PARD3B: variants seen among roughly 807,000 people sequenced by gnomAD.
PARD3B encodes the protein partitioning defective 3 homolog B.
In PARD3B, 103 loss-of-function variants were observed where a neutral mutation model predicts 130.2. That is an observed-to-expected ratio of 0.79 (90% confidence interval 0.67 to 0.93). The LOEUF (loss-of-function observed/expected upper bound fraction) is 0.93. PARD3B is among the 40% of genes least tolerant of loss of function. The probability of loss-of-function intolerance (pLI) is 0.00; values close to 1 mark genes in which losing one functional copy is unlikely to be tolerated. For missense variants in PARD3B, 1,609 were observed against 1,499.2 expected, an observed-to-expected ratio of 1.07 and a Z score of -1.21; for synonymous variants, 583 against 553.2, an observed-to-expected ratio of 1.05 and a Z score of -0.76.
In PARD3B at chr2:204,838,180, GTTA is replaced by G. The variant is rs200982356; in HGVS notation, c.223-126957_223-126955del. On this transcript the variant is annotated intron_variant, in intron 2 of 22. Coordinates refer to ENST00000406610, the MANE Select transcript of PARD3B (RefSeq NM_001302769.2). ...CAAGGTTGAATCAGGTTTTGTTTTC[GTTA>G]TTATTATTATTATTTTTGAGAAGGA... Among the ~76,000 whole-genome samples, 522 of 138,806 alleles carry G rather than the reference GTTA, an allele frequency of 3.8e-3. 4 individuals are homozygous for G. In the Middle Eastern group the frequency reaches 0.041, roughly 11 times the overall value. The allele number at this position is 138,806 out of a possible 152,430, so 91.1% of individuals were successfully genotyped here. A position where few individuals can be genotyped will look rare whatever the true frequency, so the allele number is the denominator to read the frequency against.
intron 1 of PARD3B, among the ~76,000 whole-genome samples, chr2:204,581,044 C>T (rs1363669006): frequency 1.3e-5 from 2 of 152,040 alleles, no homozygotes; most frequent in African/African-American, 4.8e-5. Context: ...GTTATGAATC[C>T]CTAATTCTAA....
At position 205,021,594 on chromosome 2, in the gene PARD3B, TTCTCTCTCTC is replaced by T. The variant is rs372636581; in HGVS notation, c.395-25970_395-25961del. Among the ~76,000 whole-genome samples the T allele has an allele frequency of 6.2e-5, 9 of 144,790 alleles. No homozygotes were observed. The highest frequency in any genetic ancestry group is 2.0e-4 in the African/African-American group (8 of 39,074). The allele number at this position is 144,790 out of a possible 152,430, so 95.0% of individuals were successfully genotyped here. A position where few individuals can be genotyped will look rare whatever the true frequency, so the allele number is the denominator to read the frequency against. ...TATGCTCTCTTCTCTCTCTCTTCTC[TTCTCTCTCTC>T]TCTCTCTCTCTCTCTCCCTCTCTCT... On this transcript the variant is annotated intron_variant, in intron 3 of 22. Coordinates refer to ENST00000406610, the MANE Select transcript of PARD3B (RefSeq NM_001302769.2). The surrounding 1 kb of genome is among the most constrained non-coding windows in gnomAD (Gnocchi z 4.5).
At chr2:204,645,125 T>A (rs772893932) in intron 1 of PARD3B, among the ~76,000 whole-genome samples, 3 of 152,170 alleles carry the variant, frequency 2.0e-5, no homozygotes, top group Non-Finnish European at 2.9e-5. Flanking sequence ...TCATTCTGTG[T>A]GTATTTGACA....
chr2:204,927,860 G>GTAGGTAGA (rs1404009860), intron 2 of PARD3B, among the ~76,000 whole-genome samples: 12 of 151,998 alleles, frequency 7.9e-5, no homozygotes, highest in African/African-American at 2.9e-4. Context: ...AGGTAGGTAG[G>GTAGGTAGA]TAGATAGATA....
intron 1 of PARD3B, among the ~76,000 whole-genome samples, chr2:204,650,887 TGAGAGAGA>T (rs36111258): frequency 1.4e-5 from 2 of 148,002 alleles, no homozygotes; most frequent in Non-Finnish European, 3.0e-5. Flanking sequence ...CATGGGGGAG[TGAGAGAGA>T]GAGAGAGAGA....
At chr2:204,652,854 C>T (rs1375038424) in intron 1 of PARD3B, among the ~76,000 whole-genome samples, 1 of 151,034 alleles carries the variant, frequency 6.6e-6, no homozygotes, top group Non-Finnish European at 1.5e-5. Flanking sequence ...CACATATTAC[C>T]ATTGTGGATC....
intron 20 of PARD3B, among the ~76,000 whole-genome samples, chr2:205,443,213 C>A (rs1268854992): frequency 6.6e-6 from 1 of 152,162 alleles, no homozygotes. Flanking sequence ...CCAGATAAGT[C>A]TAAGAAGAGT....
intron 11 of PARD3B, among the ~76,000 whole-genome samples, chr2:205,164,787 C>T (rs866717310): frequency 5.2e-4 from 78 of 150,708 alleles, no homozygotes; most frequent in African/African-American, 1.9e-3. Context: ...CTATATTCGT[C>T]TTCATTATGG....
At chr2:204,921,867 G>A (rs2047693114) in intron 2 of PARD3B, among the ~76,000 whole-genome samples, 3 of 152,124 alleles carry the variant, frequency 2.0e-5, no homozygotes, top group Non-Finnish European at 2.9e-5. Context: ...GGGTGGCAGT[G>A]GAAGTACAAA....
chr2:205,387,487 C>A (rs1452821384), intron 18 of PARD3B, among the ~76,000 whole-genome samples: 1 of 152,100 alleles, frequency 6.6e-6, no homozygotes, highest in Non-Finnish European at 1.5e-5. Flanking sequence ...AGTGATTCTT[C>A]CATCACTGGA....
chr2:205,565,312 A>G (rs1435818029), intron 22 of PARD3B, among the ~76,000 whole-genome samples: 1 of 152,214 alleles, frequency 6.6e-6, no homozygotes, highest in Non-Finnish European at 1.5e-5. Flanking sequence ...TCCTGGAAAC[A>G]GTCATATAAA....
chr2:205,211,923 C>T lies in PARD3B; in HGVS notation c.2140+18603C>T, dbSNP rs556522310. Among the ~76,000 whole-genome samples the T allele has an allele frequency of 7.2e-4, 110 of 152,090 alleles. 1 individual carries two copies. The highest frequency in any genetic ancestry group is 2.5e-3 in the African/African-American group (104 of 41,496). The stretch of plus-strand genomic sequence containing the variant: ...CCTTAAAAGTAAAACAAGGGGGTAC[C>T]AATGAATTGGAGAACATTTAGCATG... On this transcript the variant is annotated intron_variant, in intron 15 of 22. Coordinates refer to ENST00000406610, the MANE Select transcript of PARD3B (RefSeq NM_001302769.2).
chr2:205,051,646 C>G (rs1476492919), intron 4 of PARD3B, among the ~76,000 whole-genome samples: 1 of 152,138 alleles, frequency 6.6e-6, no homozygotes, highest in Non-Finnish European at 1.5e-5. Context: ...GTGTGTTTTT[C>G]AAAAGTTGCA....
chr2:205,145,829 A>AG (rs2033313336), intron 10 of PARD3B, among the ~76,000 whole-genome samples: 1 of 151,750 alleles, frequency 6.6e-6, no homozygotes, highest in African/African-American at 2.4e-5. Flanking sequence ...AAGTCAAAAA[A>AG]AAAAAAAAAA....
intron 3 of PARD3B, among the ~76,000 whole-genome samples, chr2:204,990,341 A>T (rs544514223): frequency 6.6e-6 from 1 of 152,112 alleles, no homozygotes; most frequent in East Asian, 1.9e-4. Context: ...ATGCATAATG[A>T]TCACTTCAGG....
chr2:204,929,801 A>T (rs918425488), intron 2 of PARD3B, among the ~76,000 whole-genome samples: 12 of 152,012 alleles, frequency 7.9e-5, no homozygotes, highest in African/African-American at 2.2e-4. Context: ...AATTTCATTT[A>T]AAAAAGATGC....
intron 22 of PARD3B, among the ~76,000 whole-genome samples, chr2:205,555,256 TC>T (rs1046660942): frequency 2.2e-4 from 33 of 152,256 alleles, no homozygotes; most frequent in African/African-American, 7.2e-4. Context: ...TCTATAAATT[TC>T]ACTCATTCAT....
chr2:204,612,868 A>G (rs1054509199), intron 1 of PARD3B, among the ~76,000 whole-genome samples: 2 of 150,788 alleles, frequency 1.3e-5, no homozygotes, highest in African/African-American at 4.9e-5. Flanking sequence ...CAGGTGATCT[A>G]TGATAAATAA....
chr2:204,751,957 G>A (rs2040481822), intron 2 of PARD3B, among the ~76,000 whole-genome samples: 1 of 152,106 alleles, frequency 6.6e-6, no homozygotes, highest in Non-Finnish European at 1.5e-5. Flanking sequence ...CATAAGATCT[G>A]TGATGTCAAG....
Sources: gnomAD v4.1 joint callset for allele counts (sites outside exome capture counted in the v4.1 genomes callset) on GRCh38, gnomAD v4.1.1 for gene constraint, Gnocchi (gnomAD v3.1) non-coding constraint, MANE v1.5 for transcripts, NCBI Gene and HGNC (gene_info 2026-07-23, HGNC 2026-07-21) for gene names.